The following MYOM1 variants were observed in gnomAD, a reference collection of about 807,000 sequenced individuals.
MYOM1 encodes the protein myomesin 1.
In MYOM1, 164 loss-of-function variants were observed where a neutral mutation model predicts 205.3. The observed-to-expected ratio is 0.80, with a 90% CI of 0.70 to 0.91. The LOEUF is 0.91. Ranked by LOEUF, MYOM1 falls within the 40% of genes least tolerant of loss-of-function variation. The pLI is 0.00. For synonymous variants in MYOM1, 772 were observed against 789.4 expected, an observed-to-expected ratio of 0.98 and a Z score of 0.37; for missense variants, 2,011 against 2,127.3, an observed-to-expected ratio of 0.95 and a Z score of 1.08.
chr18:3,236,892 A>C, the MYOM1 span, among the ~76,000 whole-genome samples: 1 of 152,202 alleles, frequency 6.6e-6, no homozygotes, highest in Non-Finnish European at 1.5e-5. Context: ...AAGGAGACTG[A>C]AGAGTAACCA....
At chr18:3,086,782 AAGG>A (rs956237883) in intron 29 of MYOM1, among the ~76,000 whole-genome samples, 2 of 152,198 alleles carry the variant, frequency 1.3e-5, no homozygotes, top group African/African-American at 2.4e-5. Context: ...TTTTTTTACA[AAGG>A]AGAATATACT....
intron 12 of MYOM1, among the ~76,000 whole-genome samples, chr18:3,149,849 TG>T (rs1373583800): frequency 1.3e-5 from 2 of 152,112 alleles, no homozygotes; most frequent in Non-Finnish European, 2.9e-5. Context: ...TCAGGGTTTG[TG>T]AAAAACAGAA....
chr18:3,239,174 G>T, the MYOM1 span, among the ~76,000 whole-genome samples: 1 of 152,224 alleles, frequency 6.6e-6, no homozygotes, highest in Non-Finnish European at 1.5e-5. Flanking sequence ...CCAACAGAGA[G>T]AACTTGATGA....
intron 5 of MYOM1, among the ~76,000 whole-genome samples, chr18:3,182,904 T>G (rs1250221532): frequency 2.0e-5 from 3 of 150,058 alleles, no homozygotes. Flanking sequence ...CAACTAACTT[T>G]TCTTTCTTCT....
chr18:3,239,042 C>G, the MYOM1 span, among the ~76,000 whole-genome samples: 52 of 152,180 alleles, frequency 3.4e-4, no homozygotes, highest in Non-Finnish European at 7.1e-4. Context: ...CTTGATTCTC[C>G]TCTGCTGTGT....
chr18:3,127,012 A>G (rs2079797163), intron 18 of MYOM1, 115 bp from the exon 19 acceptor site: 1 of 910,296 alleles, frequency 1.1e-6, no homozygotes, highest in Admixed American at 2.6e-5. Context: ...TAAAACTAAA[A>G]TTCGAGGCTG....
chr18:3,241,972 A>G, the MYOM1 span, among the ~76,000 whole-genome samples: 11 of 152,240 alleles, frequency 7.2e-5, no homozygotes, highest in Admixed American at 6.5e-4. Flanking sequence ...AATTTCTCCT[A>G]TTTGGAATGG....
chr18:3,214,820 C>CT, intron 2 of MYOM1, 114 bp downstream of exon 2: 1 of 1,199,378 alleles, frequency 8.3e-7, no homozygotes, highest in Non-Finnish European at 1.1e-6. Context: ...GAGCGAAACT[C>CT]TGTCTCAAAA....
rs548229421 is a variant in MYOM1 at position 3,176,108 on chromosome 18, A to G, written c.956T>C (p.Val319Ala). The G allele has an allele frequency of 6.2e-7, 1 of 1,609,120 alleles. No homozygotes were observed. The highest frequency in any genetic ancestry group is 1.3e-5 in the African/African-American group (1 of 74,960). The change falls in exon 6 of 38, where the codon GTC (valine) becomes GCC (alanine). Residue 319 changes from valine to alanine, a missense_variant. Val to Ala is a moderately conservative substitution (Grantham distance 64, BLOSUM62 0). Coordinates refer to ENST00000356443, the MANE Select transcript of MYOM1 (RefSeq NM_003803.4). The stretch of plus-strand genomic sequence containing the variant: ...AATATACTTTCCAGGGTTTGCATGG[A>G]CATTTATTGGCACCTGGTTTTTATA... Reference protein sequence around the residue: ...TWYKNQVPINVHANPGKYIIE... With the variant: ...TWYKNQVPINAHANPGKYIIE...
intron 3 of MYOM1, among the ~76,000 whole-genome samples, chr18:3,192,965 T>G (rs2080932280): frequency 6.8e-6 from 1 of 148,104 alleles, no homozygotes; most frequent in Non-Finnish European, 1.5e-5. Context: ...TCATCTTGGG[T>G]TTTTTTTTAA....
intron 29 of MYOM1, among the ~76,000 whole-genome samples, chr18:3,086,685 ATCT>A (rs1266376975): frequency 4.6e-5 from 7 of 152,016 alleles, no homozygotes; most frequent in African/African-American, 9.7e-5. Context: ...AGATACACTA[ATCT>A]TCTCATCATA....
intron 11 of MYOM1, 113 bp downstream of exon 11, chr18:3,154,834 G>A: frequency 1.8e-6 from 2 of 1,125,948 alleles, no homozygotes; most frequent in Non-Finnish European, 2.5e-6. Context: ...GAAATAGAAA[G>A]AGGAGGAGAG....
Position 3,129,216 on chromosome 18 carries a change from C to G in MYOM1, c.2794+16G>C, listed in dbSNP as rs1447306196. The G allele has an allele frequency of 2.5e-6, 4 of 1,608,916 alleles. No homozygotes were observed. Among genetic ancestry groups the G allele is most frequent in the Non-Finnish European group, 2.5e-6 (3 of 1,177,402 alleles). ...GATGGAGACGGATGGAACAGCTTCC[C>G]TTTCTCAACTCTCACCTCTGTCTGT... is the stretch of plus-strand genomic sequence containing the variant. On this transcript the variant is annotated intron_variant, in intron 18 of 37. Transcript: ENST00000356443.
chr18:3,165,840 G>C (rs999116653), intron 9 of MYOM1, among the ~76,000 whole-genome samples: 2 of 152,240 alleles, frequency 1.3e-5, no homozygotes, highest in Non-Finnish European at 2.9e-5. Context: ...TACTGCTGCT[G>C]GTGCCACCAC....
At chr18:3,214,360 C>G (rs775156670) in intron 2 of MYOM1, among the ~76,000 whole-genome samples, 1 of 152,130 alleles carries the variant, frequency 6.6e-6, no homozygotes, top group African/African-American at 2.4e-5. Flanking sequence ...TTTGCCTGCT[C>G]TTAGAAATAG....
At chr18:3,241,556 G>A in the MYOM1 span, among the ~76,000 whole-genome samples, 1 of 152,266 alleles carries the variant, frequency 6.6e-6, no homozygotes, top group Non-Finnish European at 1.5e-5. Context: ...GAAGTTTGCT[G>A]CAGGGGCGGG....
chr18:3,150,585 C>T lies in MYOM1; in HGVS notation c.1843+1109G>A, dbSNP rs150146168. On this transcript the variant is annotated intron_variant, in intron 12 of 37. Transcript: ENST00000356443. ...ACAGAACACCCCTAGCCACCTCCCA[C>T]AACAACAAAGAATTACTGGCCTAAA... Among the ~76,000 whole-genome samples the T allele has an allele frequency of 2.0e-3, 305 of 152,230 alleles. 2 individuals carry two copies. Among genetic ancestry groups the T allele is most frequent in the African/African-American group, 7.0e-3 (291 of 41,520 alleles).
At chr18:3,081,001 A>C (rs1469222025) in intron 33 of MYOM1, among the ~76,000 whole-genome samples, 1 of 151,968 alleles carries the variant, frequency 6.6e-6, no homozygotes, top group Non-Finnish European at 1.5e-5. Flanking sequence ...GCATGGTGGC[A>C]CACGCTTGTA....
intron 22 of MYOM1, among the ~76,000 whole-genome samples, chr18:3,103,529 A>G (rs576634237): frequency 5.4e-4 from 82 of 152,354 alleles, no homozygotes; most frequent in African/African-American, 1.9e-3. Context: ...TGCTCTACTC[A>G]GATTTATACT....
Sources: gnomAD v4.1 joint callset for allele counts (sites outside exome capture counted in the v4.1 genomes callset) on GRCh38, gnomAD v4.1.1 for gene constraint, MANE v1.5 for transcripts, NCBI Gene and HGNC (gene_info 2026-07-23, HGNC 2026-07-21) for gene names.